Variants in ZNF565 observed in about 807,000 individuals in gnomAD.
ZNF565 encodes zinc finger protein 565.
A neutral mutation model predicts 39.4 loss-of-function variants in ZNF565; 27 were observed. The observed-to-expected ratio is 0.69, with a 90% confidence interval of 0.51 to 0.95. The LOEUF (loss-of-function observed/expected upper bound fraction) is 0.95, where lower values mean the gene tolerates loss of function less well. Ranked by LOEUF, ZNF565 falls within the 40% of genes least tolerant of loss-of-function variation. The probability of loss-of-function intolerance (pLI) is 0.00; values close to 1 mark genes in which losing one functional copy is unlikely to be tolerated. For synonymous variants in ZNF565, 185 were observed against 216.6 expected, an observed-to-expected ratio of 0.85 and a Z score of 1.28; for missense variants, 524 against 621.1, an observed-to-expected ratio of 0.84 and a Z score of 1.66.
At chr19:36,194,982 C>T in intron 3 of ZNF565, 48 bp downstream of exon 3, 1 of 1,613,974 alleles carries the variant, frequency 6.2e-7, no homozygotes, top group Non-Finnish European at 8.5e-7. Flanking sequence ...TGGTTGTAGT[C>T]CCTGTTGCCT....
intron 1 of ZNF565, among the ~76,000 whole-genome samples, chr19:36,232,602 CTTTTTTCT>C (rs892663687): frequency 2.9e-5 from 4 of 137,536 alleles, no homozygotes; most frequent in African/African-American, 8.0e-5. Context: ...GTTCTTTTTT[CTTTTTTCT>C]TTTTTTTTTT....
At position 36,241,378 on chromosome 19, in the gene ZNF565, G is replaced by C. The variant is rs533458668; in HGVS notation, c.55+4098C>G. ...GGGGGCCAGTAATCCCAGCTACTTG[G>C]GAGGTTAAGGCAGGAGAATCGCTTG... On this transcript the variant is annotated intron_variant, in intron 1 of 4. Transcript: ENST00000355114. 3.0e-4 allele frequency among the ~76,000 whole-genome samples: 45 copies of C among 151,990 alleles called. 2 individuals carry two copies. The South Asian group carries it at 8.7e-3, about 29-fold the overall frequency.
upstream of ZNF565, among the ~76,000 whole-genome samples, chr19:36,218,863 C>T (rs1976722481): frequency 6.6e-6 from 1 of 150,796 alleles, no homozygotes; most frequent in East Asian, 2.0e-4. Flanking sequence ...GGCTGGAGTG[C>T]AGTGGTGCTA....
rs577486583 is a variant in ZNF565, at chr19:36,206,789, G to A, written c.-65-4739C>T. ...AGAGGTTGTAGTGAGTTGATATTGT[G>A]CCACTGCACTCCAGCCTGGGCAACA... On this transcript the variant is annotated intron_variant, in intron 1 of 4. Transcript: ENST00000304116. 2.1e-4 allele frequency among the ~76,000 whole-genome samples: 32 copies of A among 152,258 alleles called. No individual in the cohort carries two copies. In the South Asian group the frequency reaches 6.4e-3, roughly 31 times the overall value.
intron 1 of ZNF565, among the ~76,000 whole-genome samples, chr19:36,229,076 T>C (rs1403898677): frequency 1.3e-5 from 2 of 152,258 alleles, no homozygotes; most frequent in Non-Finnish European, 2.9e-5. Flanking sequence ...GTGCCGCCAC[T>C]GTGGTGGCTG....
chr19:36,245,539 T>G lies in ZNF565; in HGVS notation c.-9A>C, dbSNP rs2029891540. 1.4e-6 allele frequency: 1 copy of G among 702,234 alleles called. No homozygotes were observed. Among genetic ancestry groups the G allele is most frequent in the Admixed American group, 2.0e-5 (1 of 49,990 alleles). 43.5% of individuals were successfully genotyped at this position (702,234 alleles called of 1,614,324 possible). On this transcript the variant is annotated 5_prime_UTR_variant, in exon 1 of 5. Transcript: ENST00000355114. This position sits in a 1 kb window ranked among gnomAD's most constrained non-coding sequence, Gnocchi z 4.4. Reference sequence around the variant, plus strand: ...CAGGGTCCACGGCGCATTTAGGTGGTGGCTTGCTCTGGACTACATTTCCCA... The same window carrying G: ...CAGGGTCCACGGCGCATTTAGGTGGGGGCTTGCTCTGGACTACATTTCCCA...
At chr19:36,226,078 C>T (rs977737713) in intron 1 of ZNF565, among the ~76,000 whole-genome samples, 1 of 152,134 alleles carries the variant, frequency 6.6e-6, no homozygotes, top group African/African-American at 2.4e-5. Context: ...CCCACGGTAA[C>T]ATTTCTCCCT....
At chr19:36,197,557 CAG>C (rs1455325725) in intron 2 of ZNF565, among the ~76,000 whole-genome samples, 6 of 152,016 alleles carry the variant, frequency 3.9e-5, no homozygotes, top group African/African-American at 1.4e-4. Context: ...GGCAGAAAGA[CAG>C]AGACTGTTAT....
chr19:36,182,726 T>G lies in ZNF565; in HGVS notation c.1240A>C (p.Thr414Pro). Reference protein sequence around the residue: ...SYLIQHQRIHTGDKPYECKEC... With the variant: ...SYLIQHQRIHPGDKPYECKEC... Reference sequence around the variant, plus strand: ...TTACATTCGTAGGGTTTGTCACCTGTATGAATTCTTTGATGTTGAATGAGG... The same window carrying G: ...TTACATTCGTAGGGTTTGTCACCTGGATGAATTCTTTGATGTTGAATGAGG... The change falls in exon 5 of 5, where the codon ACA (threonine) becomes CCA (proline). Residue 414 changes from threonine to proline, a missense_variant. Transcript: ENST00000304116. 6.2e-7 allele frequency: 1 copy of G among 1,613,842 alleles called. No individual in the cohort carries two copies. The highest frequency in any genetic ancestry group is 8.5e-7 in the Non-Finnish European group (1 of 1,179,950).
At position 36,182,873 on chromosome 19, in the gene ZNF565, A is replaced by G. The variant is rs759987689; in HGVS notation, c.1093T>C (p.Cys365Arg). The change falls in exon 5 of 5, where the codon TGT becomes CGT. Residue 365 changes from cysteine to arginine, a missense_variant. Cys to Arg is a radical substitution (Grantham distance 180). Coordinates refer to ENST00000304116, the MANE Select transcript of ZNF565 (RefSeq NM_152477.5). ...RIHSGEKPYE[C>R]KECGKAFRQH... ...CTGAAGGCCTTCCCACATTCCTTAC[A>G]CTCATAGGGTTTCTCCCCAGAATGA... The G allele has an allele frequency of 6.2e-7, 1 of 1,613,840 alleles. No homozygotes were observed. The highest frequency in any genetic ancestry group is 1.1e-5 in the South Asian group (1 of 91,068).
chr19:36,189,022 G>A (rs1300731139), intron 4 of ZNF565, among the ~76,000 whole-genome samples: 3 of 152,152 alleles, frequency 2.0e-5, no homozygotes, highest in Non-Finnish European at 2.9e-5. Context: ...AGGGACTGGA[G>A]GAAGGAAAAT....
In ZNF565 at chr19:36,182,509, A is replaced by T. The variant is rs776489251; in HGVS notation, c.1457T>A (p.Leu486His). The T allele has an allele frequency of 6.3e-7, 1 of 1,596,590 alleles. No homozygotes were observed. The highest frequency in any genetic ancestry group is 2.2e-5 in the East Asian group (1 of 44,816). Reference protein sequence around the residue: ...ECRECGQAFILGSQLIEHYRI... With the variant: ...ECRECGQAFIHGSQLIEHYRI... Reference sequence around the variant, plus strand: ...GTAGTGTTCAATGAGTTGTGAGCCAAGAATAAATGCCTGCCCACACTCTCT... The same window carrying T: ...GTAGTGTTCAATGAGTTGTGAGCCATGAATAAATGCCTGCCCACACTCTCT... The change falls in exon 5 of 5, where the codon CTT becomes CAT. Residue 486 changes from leucine to histidine, a missense_variant. Physicochemically the swap from Leu to His is moderately conservative, Grantham distance 99 (BLOSUM62 -3). Coordinates refer to ENST00000304116, the MANE Select transcript of ZNF565 (RefSeq NM_152477.5).
intron 1 of ZNF565, among the ~76,000 whole-genome samples, chr19:36,233,769 TATCTCAGTAGATGGA>T (rs2145455965): frequency 6.6e-6 from 1 of 152,340 alleles, no homozygotes; most frequent in South Asian, 2.1e-4. Context: ...GGTTTTCCCC[TATCTCAGTAGATGGA>T]ATATACAATC....
chr19:36,217,591 T>C (rs1179905777), upstream of ZNF565, among the ~76,000 whole-genome samples: 1 of 151,888 alleles, frequency 6.6e-6, no homozygotes, highest in African/African-American at 2.4e-5. Context: ...CACGATGCAT[T>C]TGGAATAAGA....
chr19:36,225,783 C>T (rs1195041529), intron 1 of ZNF565, among the ~76,000 whole-genome samples: 1 of 94,586 alleles, frequency 1.1e-5, no homozygotes, highest in Non-Finnish European at 2.0e-5. Flanking sequence ...TTTTTTGAGA[C>T]AGGGTCTTGC....
At chr19:36,188,210 C>A (rs1975381916) in intron 4 of ZNF565, among the ~76,000 whole-genome samples, 1 of 151,126 alleles carries the variant, frequency 6.6e-6, no homozygotes, top group Admixed American at 6.6e-5. Context: ...AAAAAATTAG[C>A]CTGGCATGGT....
At chr19:36,201,422 A>G (rs1975961700) in intron 2 of ZNF565, among the ~76,000 whole-genome samples, 2 of 152,162 alleles carry the variant, frequency 1.3e-5, no homozygotes, top group Non-Finnish European at 2.9e-5. Context: ...GGAGACTCTC[A>G]TATTTCTCTC....
downstream of ZNF565, chr19:36,182,268 G>A: frequency 4.5e-6 from 2 of 445,960 alleles, no homozygotes; most frequent in Non-Finnish European, 3.9e-6. Flanking sequence ...ATTATCTGAT[G>A]CTTAGGAAAC....
intron 1 of ZNF565, among the ~76,000 whole-genome samples, chr19:36,209,166 A>G (rs1384699356): frequency 6.6e-6 from 1 of 152,132 alleles, no homozygotes; most frequent in African/African-American, 2.4e-5. Flanking sequence ...TGTTATGTTT[A>G]TTTAACCATA....
Sources: allele counts gnomAD v4.1 joint callset (sites outside exome capture counted in the v4.1 genomes callset), GRCh38; gene constraint gnomAD v4.1.1; non-coding constraint Gnocchi (gnomAD v3.1); transcripts MANE v1.5; gene names NCBI Gene and HGNC (gene_info 2026-07-23, HGNC 2026-07-21).